C20orf96: variants seen among roughly 807,000 people sequenced by gnomAD.
C20orf96 encodes uncharacterized protein C20orf96.
Under a neutral mutation model 52.6 loss-of-function variants are expected in C20orf96, and 57 were observed. The ratio of observed to expected loss-of-function variants is 1.08; its 90% CI spans 0.88 to 1.35. C20orf96 has a LOEUF of 1.35. C20orf96 is among the 40% of genes most tolerant of loss of function. The probability of loss-of-function intolerance (pLI) is 0.00; values close to 1 mark genes in which losing one functional copy is unlikely to be tolerated. For missense variants in C20orf96, 478 were observed against 443.6 expected (o/e 1.08, Z -0.70); for synonymous variants, 168 against 157.2 (o/e 1.07, Z -0.51).
chr20:278,544 A>G, intron 5 of C20orf96, 115 bp from the exon 6 acceptor site: 1 of 768,560 alleles, frequency 1.3e-6, no homozygotes, highest in Non-Finnish European at 2.3e-6. Flanking sequence ...AAACCTGACC[A>G]GAGGCTAATC....
intron 4 of C20orf96, 83 bp from the exon 5 acceptor site, chr20:279,413 G>A: frequency 1.4e-6 from 2 of 1,414,260 alleles, no homozygotes; most frequent in South Asian, 1.4e-5. Flanking sequence ...CCGCCGCCCC[G>A]GCCCCGCCAG....
In C20orf96 at chr20:277,222, C is replaced by T. The variant is rs75951214; in HGVS notation, c.723+4G>A. 751 of 1,614,126 alleles carry T rather than the reference C, an allele frequency of 4.7e-4. 19 individuals are homozygous for T. In the East Asian group the frequency reaches 0.017, roughly 36 times the overall value. ...TGGTGGGAGAGGGGCAGGGGCTCCC[C>T]TACCTGCTGGCTGTCCTTAACCTGC... On this transcript the variant is annotated splice_donor_region_variant and intron_variant, in intron 7 of 10. Transcript: ENST00000360321.
chr20:283,164 T>C (rs2012294177), intron 4 of C20orf96, among the ~76,000 whole-genome samples: 1 of 152,218 alleles, frequency 6.6e-6, no homozygotes, highest in South Asian at 2.1e-4. Context: ...CTTTGAGACA[T>C]TGTTCAGATA....
intron 9 of C20orf96, 183 bp downstream of exon 9, chr20:276,610 C>A: frequency 6.9e-7 from 1 of 1,440,768 alleles, no homozygotes. Context: ...TAGGTCAGTG[C>A]CAATCGCCTT....
chr20:275,856 T>C (rs2012000192), intron 10 of C20orf96, 112 bp downstream of exon 10: 3 of 1,004,330 alleles, frequency 3.0e-6, no homozygotes, highest in East Asian at 2.4e-5. Flanking sequence ...CGCCCCTCCC[T>C]CCCTGTACAG....
intron 10 of C20orf96, among the ~76,000 whole-genome samples, chr20:272,217 T>C (rs983413970): frequency 3.9e-5 from 6 of 152,014 alleles, no homozygotes; most frequent in Non-Finnish European, 8.8e-5. Flanking sequence ...AAAAAGTTCA[T>C]CTCTATGCTG....
At chr20:283,450 CGT>C (rs1342060388) in intron 4 of C20orf96, among the ~76,000 whole-genome samples, 1 of 152,056 alleles carries the variant, frequency 6.6e-6, no homozygotes, top group Non-Finnish European at 1.5e-5. Context: ...ACTACAGGTG[CGT>C]GCTACCACAC....
chr20:275,375 A>C (rs1016751413), intron 10 of C20orf96, among the ~76,000 whole-genome samples: 1 of 152,120 alleles, frequency 6.6e-6, no homozygotes, highest in Non-Finnish European at 1.5e-5. Context: ...AGGAGAGGAG[A>C]AGGAAGGAAA....
Position 279,117 on chromosome 20 carries a change from AGGGACGGAGGTT to A in C20orf96, c.465+43_465+54del, listed in dbSNP as rs1299453312. 48 of 879,900 alleles carry A rather than the reference AGGGACGGAGGTT, an allele frequency of 5.5e-5. 2 individuals carry two copies. The highest frequency in any genetic ancestry group is 9.2e-5 in the Admixed American group (2 of 21,684). The allele number at this position is 879,900 out of a possible 1,614,324, so 54.5% of individuals were successfully genotyped here. A position where few individuals can be genotyped will look rare whatever the true frequency, so the allele number is the denominator to read the frequency against. ...GACGGAGGGACGGAGGGAGGGAGGG[AGGGACGGAGGTT>A]GGGACGGAGGGACGGAGGGCGGGCG... On this transcript the variant is annotated intron_variant, in intron 5 of 10. Transcript: ENST00000360321.
At chr20:282,550 C>T (rs1485144395) in intron 4 of C20orf96, among the ~76,000 whole-genome samples, 1 of 152,136 alleles carries the variant, frequency 6.6e-6, no homozygotes, top group East Asian at 1.9e-4. Context: ...ATCAAAAACA[C>T]CTAAACCCCT....
intron 10 of C20orf96, among the ~76,000 whole-genome samples, chr20:271,765 T>C (rs1349350761): frequency 1.3e-5 from 2 of 152,202 alleles, no homozygotes; most frequent in Non-Finnish European, 2.9e-5. Flanking sequence ...ATCTGTCAAA[T>C]GGGTTTAATA....
intron 6 of C20orf96, among the ~76,000 whole-genome samples, 164 bp from the exon 7 acceptor site, chr20:277,547 A>C (rs142164583): frequency 0.013 from 1,954 of 152,210 alleles, 14 homozygotes; most frequent in Non-Finnish European, 0.021. Flanking sequence ...TTAAGGCTCT[A>C]GACGGTTTTC....
At chr20:283,117 A>G (rs1380804095) in intron 4 of C20orf96, among the ~76,000 whole-genome samples, 1 of 152,160 alleles carries the variant, frequency 6.6e-6, no homozygotes, top group South Asian at 2.1e-4. Context: ...TCTGCTATGT[A>G]TGCTAAGGAC....
At chr20:274,291 A>G (rs976780995) in intron 10 of C20orf96, among the ~76,000 whole-genome samples, 2 of 151,782 alleles carry the variant, frequency 1.3e-5, no homozygotes, top group African/African-American at 4.8e-5. Context: ...CTGCCCCCTT[A>G]AATTCTGCTT....
At position 279,255 on chromosome 20, in the gene C20orf96, C is replaced by G. The variant is rs2012178029; in HGVS notation, c.382G>C (p.Glu128Gln). 1 of 1,611,182 alleles carries G rather than the reference C, an allele frequency of 6.2e-7. No individual in the cohort carries two copies. Among genetic ancestry groups the G allele is most frequent in the Non-Finnish European group, 8.5e-7 (1 of 1,179,262 alleles). ...ATCTCCTGGATGGTCTCGATCAGCT[C>G]CCGGTTGAGCTTGCTGAGGAAGTTC... The part of the protein sequence containing the change: ...RENFLSKLNR[E>Q]LIETIQEMEN... Residue 128 changes from glutamate to glutamine, a missense_variant, in exon 5 of 11, where the codon GAG becomes CAG. Physicochemically the swap from Glu to Gln is conservative, Grantham distance 29 (BLOSUM62 2). Transcript: ENST00000360321.
intron 4 of C20orf96, among the ~76,000 whole-genome samples, chr20:282,745 G>A (rs6035623): frequency 0.24 from 36,298 of 151,910 alleles, 5,576 homozygotes; most frequent in African/African-American, 0.44. Flanking sequence ...GGTGGTGGGC[G>A]CCTGTAATCC....
In C20orf96 at chr20:271,035, G is replaced by C. The variant is rs868521101; in HGVS notation, c.*172C>G. ...GGAAGGAAGGAGGAGGGAAGGGAAG[G>C]GGGGAAGAAGGGAGGGAGGGAGGGA... On this transcript the variant is annotated 3_prime_UTR_variant, in exon 11 of 11. Transcript: ENST00000360321. 5.3e-5 allele frequency: 30 copies of C among 562,996 alleles called. No homozygotes were observed. Among genetic ancestry groups the C allele is most frequent in the South Asian group, 5.3e-4 (25 of 47,358 alleles). 34.9% of individuals were successfully genotyped at this position (562,996 alleles called of 1,614,324 possible). A position where few individuals can be genotyped will look rare whatever the true frequency, so the allele number is the denominator to read the frequency against.
chr20:290,380 A>C, intron 1 of C20orf96, 73 bp from the exon 2 acceptor site: 2 of 1,585,480 alleles, frequency 1.3e-6, no homozygotes, highest in Non-Finnish European at 1.7e-6. Flanking sequence ...AATTCGAAAC[A>C]GGATTGGAGT....
intron 6 of C20orf96, among the ~76,000 whole-genome samples, chr20:277,997 T>C (rs566322683): frequency 6.6e-6 from 1 of 152,338 alleles, no homozygotes; most frequent in Admixed American, 6.5e-5. Context: ...GGCTCCTAGC[T>C]ATATAACCTT....
Sources: gnomAD v4.1 joint callset for allele counts (sites outside exome capture counted in the v4.1 genomes callset) on GRCh38, gnomAD v4.1.1 for gene constraint, MANE v1.5 for transcripts, NCBI Gene and HGNC (gene_info 2026-07-23, HGNC 2026-07-21) for gene names.